Variants in PKD1 observed in about 807,000 individuals in gnomAD.
PKD1 encodes the protein polycystin-1.
In PKD1, 81 loss-of-function variants were observed where a neutral mutation model predicts 361.7. The ratio of observed to expected loss-of-function variants is 0.22; its 90% CI spans 0.19 to 0.27. The LOEUF (loss-of-function observed/expected upper bound fraction) is 0.27, where lower values mean the gene tolerates loss of function less well. PKD1 is among the 10% of genes least tolerant of loss of function. The pLI is 1.00. For missense variants in PKD1, 6,399 were observed against 6,118.3 expected (o/e 1.05, Z -1.53); for synonymous variants, 3,615 against 2,818.3 (o/e 1.28, Z -8.95).
At position 2,093,829 on chromosome 16, in the gene PKD1, G is replaced by A. The variant is rs201400740; in HGVS notation, c.10803C>T (p.Leu3601=). 2.8e-5 allele frequency: 44 copies of A among 1,559,664 alleles called. No homozygotes were observed. Among genetic ancestry groups the A allele is most frequent in the East Asian group, 2.1e-4 (9 of 41,962 alleles). ...SSSASFLASF[L]GWEPLKVLLE... ...CCCTCACCTTCAGTGGCTCCCAGCC[G>A]AGGAATGAGGCCAGGAAGCTGGCGC... is the stretch of plus-strand genomic sequence containing the variant. The change falls in exon 36 of 46, where the codon CTC becomes CTT. Residue 3601 remains leucine, a synonymous_variant. Coordinates refer to ENST00000262304, the MANE Select transcript of PKD1 (RefSeq NM_001009944.3).
chr16:2,107,814 G>T, intron 16 of PKD1, 69 bp downstream of exon 16: 2 of 1,467,454 alleles, frequency 1.4e-6, no homozygotes, highest in Non-Finnish European at 1.8e-6. Context: ...ACTAAAACAC[G>T]GAAAACAGTA....
Position 2,093,173 on chromosome 16 carries a change from G to A in PKD1, c.11017-80C>T, listed in dbSNP as rs1350909344. ...GGGCTTTGGCAACGGCTGGAGCCAT[G>A]GCTGCGGCAGGTGTGGCTGCAGGAA... On this transcript the variant is annotated intron_variant, in intron 37 of 45. Transcript: ENST00000262304. The A allele has an allele frequency of 2.6e-6, 4 of 1,533,482 alleles. No individual in the cohort carries two copies. In the African/African-American group the frequency reaches 4.1e-5, roughly 16 times the overall value. The allele number at this position is 1,533,482 out of a possible 1,614,324, so 95.0% of individuals were successfully genotyped here. A position where few individuals can be genotyped will look rare whatever the true frequency, so the allele number is the denominator to read the frequency against.
At chr16:2,112,311 A>G (rs769607142) in intron 14 of PKD1, 29 bp downstream of exon 14, 25 of 1,573,370 alleles carry the variant, frequency 1.6e-5, no homozygotes, top group Non-Finnish European at 1.9e-5. Context: ...CCTGAAAGGC[A>G]GTGGCCCCCT....
intron 1 of PKD1, among the ~76,000 whole-genome samples, chr16:2,127,278 G>C (rs1001162251): frequency 6.6e-6 from 1 of 152,216 alleles, no homozygotes; most frequent in Non-Finnish European, 1.5e-5. Flanking sequence ...CGGTACTCGC[G>C]GCTCTGCCAA....
rs537008525 is a variant in PKD1, at chr16:2,115,888, G to T, written c.1849+104C>A. 1.3e-4 allele frequency: 174 copies of T among 1,326,806 alleles called. No homozygotes were observed. The African/African-American group carries it at 2.4e-3, about 18-fold the overall frequency. 82.2% of individuals were successfully genotyped at this position (1,326,806 alleles called of 1,614,324 possible). ...CCCCTGCTCTGTCCACCTAAGACTG[G>T]GAACCACTCTGGTGGCCACAGGACC... On this transcript the variant is annotated intron_variant, in intron 9 of 45. Coordinates refer to ENST00000262304, the MANE Select transcript of PKD1 (RefSeq NM_001009944.3).
At chr16:2,126,012 G>C (rs1230677688) in intron 1 of PKD1, among the ~76,000 whole-genome samples, 3 of 152,056 alleles carry the variant, frequency 2.0e-5, no homozygotes, top group Admixed American at 1.3e-4. Context: ...GGTGGGGGGG[G>C]GGGCAAGCAA....
At chr16:2,096,238 G>A (rs1234695786) in intron 34 of PKD1, among the ~76,000 whole-genome samples, 1 of 152,254 alleles carries the variant, frequency 6.6e-6, no homozygotes, top group Non-Finnish European at 1.5e-5. Flanking sequence ...GTGCATGCAG[G>A]CCCTGTGGTG....
chr16:2,129,045 G>A (rs1215419694), intron 1 of PKD1, among the ~76,000 whole-genome samples: 3 of 151,878 alleles, frequency 2.0e-5, no homozygotes, highest in Non-Finnish European at 4.4e-5. Flanking sequence ...TGTATTTTTA[G>A]TAGAACGGGG....
chr16:2,097,593 C>T (rs1310859834), intron 32 of PKD1, 90 bp from the exon 33 acceptor site: 6 of 1,609,074 alleles, frequency 3.7e-6, no homozygotes, highest in African/African-American at 1.3e-5. Flanking sequence ...CCCTGGGCTT[C>T]CGAGCAAACC....
rs1555445771 is a variant in PKD1, at chr16:2,091,908, T to G, written c.11412-2A>C. The G allele has an allele frequency of 6.2e-7, 1 of 1,611,586 alleles. No individual in the cohort carries two copies. Among genetic ancestry groups the G allele is most frequent in the African/African-American group, 1.3e-5 (1 of 74,994 alleles). ...GCACAGGAGCCCCAGGACCATGCCCTGCCGGAGAGGGGTGGCGTGGGTGCC... is the reference window on the plus strand; with the variant it reads ...GCACAGGAGCCCCAGGACCATGCCCGGCCGGAGAGGGGTGGCGTGGGTGCC... On this transcript the variant is annotated splice_acceptor_variant, in intron 40 of 45. Coordinates refer to ENST00000262304, the MANE Select transcript of PKD1 (RefSeq NM_001009944.3). LOFTEE classifies it high-confidence loss of function.
rs779322843 is a variant in PKD1 at position 2,103,912 on chromosome 16, G to A, written c.8162-17C>T. The A allele has an allele frequency of 1.9e-6, 3 of 1,549,514 alleles. No individual in the cohort carries two copies. The highest frequency in any genetic ancestry group is 3.1e-5 in the African/African-American group (2 of 63,798). On this transcript the variant is annotated splice_polypyrimidine_tract_variant and intron_variant, in intron 22 of 45. Coordinates refer to ENST00000262304, the MANE Select transcript of PKD1 (RefSeq NM_001009944.3). ...TGAGGTCTCCTGCAGACATGCGTGA[G>A]GTCAGTGCAGAGACAGGGAGGTAGA...
At chr16:2,096,852 T>C (rs1158292313) in intron 34 of PKD1, 8 of 493,242 alleles carry the variant, frequency 1.6e-5, no homozygotes, top group Non-Finnish European at 2.9e-5. Flanking sequence ...CCATAATTTC[T>C]CACTGCTCTG....
chr16:2,096,176 C>G (rs1001465593), intron 34 of PKD1, among the ~76,000 whole-genome samples: 4 of 152,258 alleles, frequency 2.6e-5, no homozygotes, highest in Admixed American at 2.0e-4. Flanking sequence ...AATTCTGTTG[C>G]TGTGCAAATG....
Position 2,112,353 on chromosome 16 carries a change from G to C in PKD1, c.3282C>G (p.Thr1094=), listed in dbSNP as rs1242464241. The stretch of plus-strand genomic sequence containing the variant: ...CTCATCCCTCACCTGGGGCAGCGTA[G>C]GTGTGCATGACATTGTGCTCCACCA... ...QVLVEHNVMH[T]YAAPGEYLLT... Residue 1094 remains threonine, a synonymous_variant, in exon 14 of 46, where the codon ACC becomes ACG. Transcript: ENST00000262304. 5 of 1,587,914 alleles carry C rather than the reference G, an allele frequency of 3.1e-6. No homozygotes were observed. The highest frequency in any genetic ancestry group is 4.3e-6 in the Non-Finnish European group (5 of 1,174,862).
chr16:2,088,852 C>G lies in PKD1; in HGVS notation c.*875G>C, dbSNP rs2091262698. ...TCCGAGGGCCTTGAGGCTGCCTGGG[C>G]CATACAGCACACTCGCGCGTGCGCG... is the stretch of plus-strand genomic sequence containing the variant. On this transcript the variant is annotated 3_prime_UTR_variant, in exon 46 of 46. Transcript: ENST00000262304. 1.7e-6 allele frequency: 1 copy of G among 576,064 alleles called. No individual in the cohort carries two copies. Among genetic ancestry groups the G allele is most frequent in the Admixed American group, 3.1e-5 (1 of 32,522 alleles). The allele number at this position is 576,064 out of a possible 1,614,324, so 35.7% of individuals were successfully genotyped here.
chr16:2,098,446 A>G, intron 30 of PKD1, among the ~76,000 whole-genome samples: 1 of 149,482 alleles, frequency 6.7e-6, no homozygotes, highest in Non-Finnish European at 1.5e-5. Context: ...CCTGACCTCA[A>G]GTGATCTGCC....
chr16:2,111,800 G>T lies in PKD1; in HGVS notation c.3367C>A (p.Arg1123Ser). 6.2e-7 allele frequency: 1 copy of T among 1,609,368 alleles called. No homozygotes were observed. The highest frequency in any genetic ancestry group is 1.7e-5 in the Admixed American group (1 of 59,854). The change falls in exon 15 of 46, where the codon CGC (arginine) becomes AGC (serine). Residue 1123 changes from arginine (R) to serine (S), a missense_variant. By Grantham distance (110) the Arg-to-Ser change is moderately radical. Transcript: ENST00000262304. ...NLTQQVPVSV[R>S]ASLPSVAVGV... ...ACAGCCACGGAGGGCAGGGAGGCGCGCACGCTCACAGGCACCTGCTGCGTC... is the reference window on the plus strand; with the variant it reads ...ACAGCCACGGAGGGCAGGGAGGCGCTCACGCTCACAGGCACCTGCTGCGTC...
rs754944119 is a variant in PKD1, at chr16:2,108,958, G to C, written c.6209C>G (p.Pro2070Arg). The part of the protein sequence containing the change: ...AVQYVALQSG[P>R]CFTNRSAQFE... ...CTGCGCCGAGCGGTTGGTGAAGCAG[G>C]GGCCGCTCTGCAGGGCCACATACTG... Residue 2070 changes from proline to arginine, a missense_variant, in exon 15 of 46, where the codon CCC becomes CGC. By Grantham distance (103) the Pro-to-Arg change is moderately radical. Transcript: ENST00000262304. The C allele has an allele frequency of 1.1e-4, 174 of 1,608,260 alleles. No individual in the cohort carries two copies. The highest frequency in any genetic ancestry group is 2.1e-4 in the Middle Eastern group (1 of 4,670).
chr16:2,106,416 C>A lies in PKD1; in HGVS notation c.7471G>T (p.Val2491Leu), dbSNP rs756760948. 7 of 1,589,568 alleles carry A rather than the reference C, an allele frequency of 4.4e-6. No individual in the cohort carries two copies. The highest frequency in any genetic ancestry group is 6.0e-6 in the Non-Finnish European group (7 of 1,171,032). Residue 2491 changes from valine to leucine, a missense_variant, in exon 18 of 46, where the codon GTG becomes TTG. Physicochemically the swap from Val to Leu is conservative, Grantham distance 32. Transcript: ENST00000262304. This position sits in a 1 kb window ranked among gnomAD's most constrained non-coding sequence, Gnocchi z 6.5. Reference sequence around the variant, plus strand: ...CACTCACCCGTGCATTCGAAGTGCACCTTGGTGGTGAGGGCGTGCACAGCG... The same window carrying A: ...CACTCACCCGTGCATTCGAAGTGCAACTTGGTGGTGAGGGCGTGCACAGCG... ...LGAVHALTTK[V>L]HFECTGWHDA...
Sources: gnomAD v4.1 joint callset for allele counts (sites outside exome capture counted in the v4.1 genomes callset) on GRCh38, gnomAD v4.1.1 for gene constraint, Gnocchi (gnomAD v3.1) non-coding constraint, MANE v1.5 for transcripts, NCBI Gene and HGNC (gene_info 2026-07-23, HGNC 2026-07-21) for gene names.